The following WWOX variants were observed in gnomAD, a reference collection of about 807,000 sequenced individuals.
WWOX encodes WW domain-containing oxidoreductase.
WWOX carries 69 observed loss-of-function variants against 46.2 expected under a neutral mutation model. The ratio of observed to expected loss-of-function variants is 1.49; its 90% CI spans 1.23 to 1.82. The LOEUF is 1.82. Among genes scored for constraint, WWOX ranks in the 40% most tolerant of loss-of-function variants. The probability of loss-of-function intolerance (pLI) is 0.00; values close to 1 mark genes in which losing one functional copy is unlikely to be tolerated. For missense variants in WWOX, 919 were observed against 542.6 expected (o/e 1.69, Z -6.89); for synonymous variants, 359 against 202.6 (o/e 1.77, Z -6.56).
At chr16:79,074,403 C>G (rs1442050825) in intron 8 of WWOX, among the ~76,000 whole-genome samples, 1 of 90,412 alleles carries the variant, frequency 1.1e-5, no homozygotes, top group Admixed American at 1.3e-4. Context: ...TGAAATGTCA[C>G]TAGTCCTTTT....
chr16:78,452,978 C>A (rs188089972), intron 8 of WWOX, among the ~76,000 whole-genome samples: 4 of 148,298 alleles, frequency 2.7e-5, no homozygotes, highest in African/African-American at 1.0e-4. Context: ...ACCTTCTTGG[C>A]CTAAGTGATC....
intron 8 of WWOX, among the ~76,000 whole-genome samples, chr16:78,857,545 C>T (rs955209870): frequency 6.5e-4 from 99 of 152,138 alleles, no homozygotes; most frequent in Non-Finnish European, 9.6e-4. Context: ...AAATCAGTCA[C>T]CCATCTACCC....
chr16:78,316,632 G>A (rs924879459), intron 5 of WWOX, among the ~76,000 whole-genome samples: 18 of 151,986 alleles, frequency 1.2e-4, no homozygotes, highest in Admixed American at 1.0e-3. Flanking sequence ...CCTGAGCCAC[G>A]GTGCCTGGCC....
intron 4 of WWOX, chr16:78,129,941 G>T (rs1048583139): frequency 2.0e-5 from 3 of 152,104 alleles, no homozygotes; most frequent in Non-Finnish European, 4.4e-5. Context: ...CCCATGTCTT[G>T]TGGGAGGGAC....
chr16:78,434,410 C>G (rs1480368350), intron 8 of WWOX, among the ~76,000 whole-genome samples: 2 of 152,140 alleles, frequency 1.3e-5, no homozygotes, highest in Non-Finnish European at 1.5e-5. Context: ...GTTTCTTTGA[C>G]CATGGTTATG....
At chr16:78,259,420 G>C (rs1301290839) in intron 5 of WWOX, among the ~76,000 whole-genome samples, 1 of 152,068 alleles carries the variant, frequency 6.6e-6, no homozygotes, top group Non-Finnish European at 1.5e-5. Flanking sequence ...TCTGCCTCCC[G>C]GGTTCAAGCA....
intron 8 of WWOX, among the ~76,000 whole-genome samples, chr16:78,574,685 A>G (rs766318706): frequency 6.6e-6 from 1 of 151,930 alleles, no homozygotes; most frequent in South Asian, 2.1e-4. Flanking sequence ...TGTTAAGTCA[A>G]ATAAGCCAGA....
At chr16:78,780,757 A>C (rs1239327306) in intron 8 of WWOX, among the ~76,000 whole-genome samples, 1 of 152,186 alleles carries the variant, frequency 6.6e-6, no homozygotes, top group African/African-American at 2.4e-5. Flanking sequence ...TGTTAGCTAG[A>C]ACAAGAAAGG....
intron 8 of WWOX, among the ~76,000 whole-genome samples, chr16:78,443,846 T>G (rs1442270991): frequency 6.6e-6 from 1 of 152,188 alleles, no homozygotes; most frequent in South Asian, 2.1e-4. Flanking sequence ...TCTTTCAGTT[T>G]CCTTTTCTCC....
intron 8 of WWOX, among the ~76,000 whole-genome samples, chr16:78,879,438 T>C (rs532333251): frequency 1.3e-5 from 2 of 152,238 alleles, no homozygotes; most frequent in Non-Finnish European, 2.9e-5. Context: ...CATCTCATAC[T>C]TTTTCAGGAT....
intron 5 of WWOX, among the ~76,000 whole-genome samples, chr16:78,351,617 C>T (rs1441580972): frequency 6.6e-6 from 1 of 152,108 alleles, no homozygotes; most frequent in Non-Finnish European, 1.5e-5. Context: ...CTCTATATTG[C>T]ACATAGCTCC....
At chr16:78,232,924 C>G (rs1161832306) in intron 5 of WWOX, among the ~76,000 whole-genome samples, 1 of 152,072 alleles carries the variant, frequency 6.6e-6, no homozygotes, top group Non-Finnish European at 1.5e-5. Context: ...TAACTGCAAT[C>G]TCTGCCTCCT....
intron 8 of WWOX, among the ~76,000 whole-genome samples, chr16:79,160,113 C>G (rs370460205): frequency 5.9e-5 from 9 of 152,300 alleles, no homozygotes; most frequent in Admixed American, 3.3e-4. Flanking sequence ...TGTCTAAATT[C>G]ACTCGGCAAG....
At chr16:78,674,714 A>G (rs778549063) in intron 8 of WWOX, among the ~76,000 whole-genome samples, 2 of 152,242 alleles carry the variant, frequency 1.3e-5, no homozygotes, top group Non-Finnish European at 2.9e-5. Context: ...AAAAATAAAC[A>G]AGAACAAATG....
intron 5 of WWOX, among the ~76,000 whole-genome samples, chr16:78,195,054 C>A (rs1023846236): frequency 3.3e-5 from 5 of 152,202 alleles, no homozygotes; most frequent in Admixed American, 1.3e-4. Context: ...CTTCTGCTAA[C>A]TGGGACCCCA....
At chr16:78,624,029 T>A (rs1234442341) in intron 8 of WWOX, among the ~76,000 whole-genome samples, 2 of 152,286 alleles carry the variant, frequency 1.3e-5, no homozygotes, top group South Asian at 4.1e-4. Flanking sequence ...ATGAGGAAAG[T>A]AAGAACCCAC....
intron 8 of WWOX, among the ~76,000 whole-genome samples, chr16:79,182,163 T>C (rs555353226): frequency 1.3e-5 from 2 of 151,258 alleles, no homozygotes; most frequent in African/African-American, 4.9e-5. Flanking sequence ...ACTCTTGTTC[T>C]TTCTGGTGGT....
intron 8 of WWOX, among the ~76,000 whole-genome samples, chr16:78,541,835 T>G (rs566153682): frequency 5.9e-5 from 9 of 152,026 alleles, no homozygotes; most frequent in African/African-American, 1.7e-4. Flanking sequence ...TTTTACTGTT[T>G]CTGGTTTTCT....
intron 8 of WWOX, among the ~76,000 whole-genome samples, chr16:78,499,881 T>C (rs1260734958): frequency 6.6e-6 from 1 of 152,188 alleles, no homozygotes; most frequent in Non-Finnish European, 1.5e-5. Context: ...ATTCCGTCTT[T>C]AATGTGCTAT....
Sources: gnomAD v4.1 joint callset for allele counts (sites outside exome capture counted in the v4.1 genomes callset) on GRCh38, gnomAD v4.1.1 for gene constraint, MANE v1.5 for transcripts, NCBI Gene and HGNC (gene_info 2026-07-23, HGNC 2026-07-21) for gene names.